Variants in CRYL1 observed in about 807,000 individuals in gnomAD.
CRYL1 encodes the protein lambda-crystallin homolog.
A neutral mutation model predicts 36.6 loss-of-function variants in CRYL1; 29 were observed. The ratio of observed to expected loss-of-function variants is 0.79; its 90% CI spans 0.59 to 1.08. The LOEUF (loss-of-function observed/expected upper bound fraction) is 1.08, where lower values mean the gene tolerates loss of function less well. Among genes scored for constraint, CRYL1 ranks in the 50% least tolerant of loss-of-function variants. The pLI is 0.00. For synonymous variants in CRYL1, 152 were observed against 151.5 expected (o/e 1.00, Z -0.02); for missense variants, 411 against 407.9 (o/e 1.01, Z -0.06).
chr13:20,468,064 CT>C (rs2032978788), intron 3 of CRYL1, among the ~76,000 whole-genome samples: 1 of 152,122 alleles, frequency 6.6e-6, no homozygotes, highest in African/African-American at 2.4e-5. Context: ...CCATTCGCAC[CT>C]CCCCCAACCC....
intron 3 of CRYL1, among the ~76,000 whole-genome samples, chr13:20,483,420 C>G (rs2033319298): frequency 6.6e-6 from 1 of 152,052 alleles, no homozygotes; most frequent in Non-Finnish European, 1.5e-5. Flanking sequence ...AGCTCCGCCT[C>G]CTGGGTTCAC....
intron 3 of CRYL1, among the ~76,000 whole-genome samples, chr13:20,459,673 G>A (rs1208796751): frequency 1.3e-5 from 2 of 152,120 alleles, no homozygotes; most frequent in Non-Finnish European, 2.9e-5. Context: ...CACAAAGAGG[G>A]GAACAGACAT....
At chr13:20,452,675 A>G (rs1461735110) in intron 3 of CRYL1, among the ~76,000 whole-genome samples, 1 of 152,210 alleles carries the variant, frequency 6.6e-6, no homozygotes, top group African/African-American at 2.4e-5. Context: ...GCATAATACC[A>G]AAAGTGAACT....
intron 2 of CRYL1, among the ~76,000 whole-genome samples, chr13:20,505,608 C>T (rs540199607): frequency 3.2e-4 from 48 of 152,180 alleles, no homozygotes; most frequent in Non-Finnish European, 5.0e-4. Context: ...AGTACAGAGA[C>T]CACACGTCAC....
intron 5 of CRYL1, among the ~76,000 whole-genome samples, chr13:20,420,209 C>A (rs944726000): frequency 2.0e-5 from 3 of 152,212 alleles, no homozygotes; most frequent in African/African-American, 7.2e-5. Context: ...CCCGTCCTGT[C>A]AAGAGTCTTC....
chr13:20,520,791 C>T (rs984344450), intron 1 of CRYL1, among the ~76,000 whole-genome samples: 1 of 152,154 alleles, frequency 6.6e-6, no homozygotes, highest in Non-Finnish European at 1.5e-5. Flanking sequence ...AGAGGTGAAA[C>T]CACTGGGTTT....
chr13:20,465,900 G>A (rs539765923), intron 3 of CRYL1, among the ~76,000 whole-genome samples: 26 of 151,898 alleles, frequency 1.7e-4, no homozygotes, highest in African/African-American at 6.0e-4. Flanking sequence ...CCTGGAGGGG[G>A]GCTATGAATG....
At chr13:20,471,354 C>T (rs751645885) in intron 3 of CRYL1, among the ~76,000 whole-genome samples, 1 of 152,074 alleles carries the variant, frequency 6.6e-6, no homozygotes, top group Non-Finnish European at 1.5e-5. Flanking sequence ...AGGTGGATCA[C>T]GAGGTCAGGA....
At chr13:20,502,359 TCTC>T (rs1042602599) in intron 2 of CRYL1, 3 of 152,468 alleles carry the variant, frequency 2.0e-5, no homozygotes, top group Non-Finnish European at 2.9e-5. Context: ...CTCACTCAGG[TCTC>T]CTCCCTCCGG....
chr13:20,512,136 G>C (rs556146596), intron 2 of CRYL1, among the ~76,000 whole-genome samples: 9 of 152,336 alleles, frequency 5.9e-5, no homozygotes, highest in African/African-American at 2.2e-4. Context: ...TGCCTAGATG[G>C]AAGCAGGAAA....
intron 6 of CRYL1, among the ~76,000 whole-genome samples, chr13:20,409,783 T>G (rs2031472291): frequency 6.6e-6 from 1 of 150,420 alleles, no homozygotes; most frequent in South Asian, 2.1e-4. Context: ...CATGAAAAAA[T>G]GCTCACCATC....
intron 2 of CRYL1, among the ~76,000 whole-genome samples, chr13:20,508,200 G>T (rs779902033): frequency 4.6e-5 from 7 of 152,130 alleles, no homozygotes; most frequent in Non-Finnish European, 1.0e-4. Flanking sequence ...CCCCACTCCA[G>T]CCTGGGTGAT....
intron 1 of CRYL1, among the ~76,000 whole-genome samples, chr13:20,522,955 T>G (rs1478183471): frequency 7.7e-6 from 1 of 130,284 alleles, no homozygotes; most frequent in Non-Finnish European, 1.6e-5. Context: ...TCTCACTCTA[T>G]CCCCCAGCTG....
chr13:20,420,880 C>CAT (rs2031793994), intron 5 of CRYL1, among the ~76,000 whole-genome samples: 1 of 151,616 alleles, frequency 6.6e-6, no homozygotes, highest in Non-Finnish European at 1.5e-5. Context: ...GGACTACAGG[C>CAT]CCGCCACCAC....
rs1368470164 is a variant in CRYL1, at chr13:20,481,896, G to GCCT, written c.276+7473_276+7474insAGG. On this transcript the variant is annotated intron_variant, in intron 3 of 7. Coordinates refer to ENST00000298248, the MANE Select transcript of CRYL1 (RefSeq NM_015974.3). The surrounding 1 kb of genome is among the most constrained non-coding windows in gnomAD (Gnocchi z 4.1). ...ACTGCACTCCAGCCTGGGTGACAAAGGTGCGACTCCATCTCGAAAGGAAAA... is the reference window on the plus strand; with the variant it reads ...ACTGCACTCCAGCCTGGGTGACAAAGCCTGTGCGACTCCATCTCGAAAGGAAAA... Among the ~76,000 whole-genome samples the GCCT allele has an allele frequency of 6.6e-6, 1 of 152,074 alleles. No homozygotes were observed. The highest frequency in any genetic ancestry group is 2.4e-5 in the African/African-American group (1 of 41,402).
chr13:20,439,526 A>AAAAT, intron 4 of CRYL1, 67 bp downstream of exon 4: 1 of 1,097,166 alleles, frequency 9.1e-7, no homozygotes, highest in Non-Finnish European at 1.2e-6. Flanking sequence ...AAAAAAAAAA[A>AAAAT]AAAAGAAAAA....
rs551560782 is a variant in CRYL1 at position 20,471,522 on chromosome 13, G to A, written c.276+17848C>T. 7.2e-5 allele frequency among the ~76,000 whole-genome samples: 11 copies of A among 151,858 alleles called. No homozygotes were observed. In the South Asian group the frequency reaches 1.2e-3, roughly 17 times the overall value. ...CGGGAGGCTGAGGTAGGAGAATGGC[G>A]TGAACCCAGGAGGCTGAGCTTTCAG... On this transcript the variant is annotated intron_variant, in intron 3 of 7. Transcript: ENST00000298248.
chr13:20,452,750 A>G (rs1183776356), intron 3 of CRYL1, among the ~76,000 whole-genome samples: 4 of 152,178 alleles, frequency 2.6e-5, no homozygotes, highest in Admixed American at 6.5e-5. Flanking sequence ...ACTGTAATAA[A>G]TGTGCCATTC....
chr13:20,436,632 G>T (rs1426520291), intron 4 of CRYL1, among the ~76,000 whole-genome samples: 3 of 152,128 alleles, frequency 2.0e-5, no homozygotes, highest in Non-Finnish European at 4.4e-5. Context: ...CTAAAACCCA[G>T]CCTGAACTCC....
Sources: allele counts gnomAD v4.1 joint callset (sites outside exome capture counted in the v4.1 genomes callset), GRCh38; gene constraint gnomAD v4.1.1; non-coding constraint Gnocchi (gnomAD v3.1); transcripts MANE v1.5; gene names NCBI Gene and HGNC (gene_info 2026-07-23, HGNC 2026-07-21).